ZSCAN5A: variants seen among roughly 807,000 people sequenced by gnomAD.
The protein encoded by ZSCAN5A is zinc finger and SCAN domain containing 5A, also known as zinc finger and SCAN domain-containing protein 5A.
A neutral mutation model predicts 23.7 loss-of-function variants in ZSCAN5A; 12 were observed. The observed-to-expected ratio is 0.51, with a 90% CI of 0.32 to 0.82. ZSCAN5A has a LOEUF of 0.82. Ranked by LOEUF, ZSCAN5A falls within the 40% of genes least tolerant of loss-of-function variation. The pLI is 0.03. For missense variants in ZSCAN5A, 597 were observed against 617.9 expected (o/e 0.97, Z 0.36); for synonymous variants, 257 against 239.9 (o/e 1.07, Z -0.66).
At chr19:56,287,423 T>C (rs886103435) in intron 2 of ZSCAN5A, among the ~76,000 whole-genome samples, 19 of 152,140 alleles carry the variant, frequency 1.2e-4, no homozygotes, top group Admixed American at 1.2e-3. Flanking sequence ...CCCTCCCACA[T>C]TGCCTGCGGA....
chr19:56,264,088 G>C (rs1000458072), intron 2 of ZSCAN5A, among the ~76,000 whole-genome samples: 3 of 151,656 alleles, frequency 2.0e-5, no homozygotes, highest in Non-Finnish European at 4.4e-5. Flanking sequence ...CCGCCTCCCA[G>C]GTTCAAGCAA....
At chr19:56,243,094 TATTATTTCACTTCCTGAAA>T (rs567405174) in intron 2 of ZSCAN5A, among the ~76,000 whole-genome samples, 257 of 152,266 alleles carry the variant, frequency 1.7e-3, no homozygotes, top group African/African-American at 5.8e-3. Context: ...AAATCTATCG[TATTATTTCACTTCCTGAAA>T]ATTTCATAGA....
At chr19:56,325,657 A>C (rs921622933) in intron 2 of ZSCAN5A, among the ~76,000 whole-genome samples, 1 of 147,742 alleles carries the variant, frequency 6.8e-6, no homozygotes, top group Admixed American at 6.8e-5. Context: ...TAGACACTTA[A>C]AAAAAAAAAT....
At chr19:56,295,815 C>T (rs866201224) in intron 2 of ZSCAN5A, 6 of 153,248 alleles carry the variant, frequency 3.9e-5, no homozygotes, top group African/African-American at 9.7e-5. Flanking sequence ...GTGCTCCCAT[C>T]GCTCTGTCTT....
At chr19:56,363,124 C>G (rs1294577875) in intron 2 of ZSCAN5A, 1 of 152,144 alleles carries the variant, frequency 6.6e-6, no homozygotes, top group Non-Finnish European at 1.5e-5. Context: ...CAGTGGTTAC[C>G]TGCCCATATT....
At chr19:56,243,906 G>GTT in intron 2 of ZSCAN5A, 30 of 478,694 alleles carry the variant, frequency 6.3e-5, no homozygotes, top group Middle Eastern at 5.6e-4. Flanking sequence ...TCGGGCTCAT[G>GTT]TTTTTTTTTG....
intron 2 of ZSCAN5A, among the ~76,000 whole-genome samples, chr19:56,311,665 T>C (rs972863334): frequency 6.6e-6 from 1 of 152,188 alleles, no homozygotes; most frequent in Non-Finnish European, 1.5e-5. Flanking sequence ...TTAAATGAGA[T>C]AATATATATA....
intron 2 of ZSCAN5A, among the ~76,000 whole-genome samples, chr19:56,226,532 C>T (rs1324556132): frequency 2.0e-5 from 3 of 152,128 alleles, no homozygotes; most frequent in Admixed American, 6.5e-5. Flanking sequence ...CTCACGCCTG[C>T]TAGAGTGGCT....
chr19:56,226,744 G>A (rs1458020342), intron 2 of ZSCAN5A, among the ~76,000 whole-genome samples: 3 of 152,150 alleles, frequency 2.0e-5, no homozygotes, highest in Non-Finnish European at 4.4e-5. Flanking sequence ...ATCAGGACGT[G>A]GACTCCAAAA....
intron 2 of ZSCAN5A, among the ~76,000 whole-genome samples, chr19:56,327,424 G>A (rs1256969820): frequency 6.6e-6 from 1 of 150,858 alleles, no homozygotes; most frequent in African/African-American, 2.4e-5. Flanking sequence ...CAACTGCAAT[G>A]ATTTTAATTA....
intron 2 of ZSCAN5A, among the ~76,000 whole-genome samples, chr19:56,362,419 A>C (rs2041739715): frequency 6.6e-6 from 1 of 151,898 alleles, no homozygotes; most frequent in African/African-American, 2.4e-5. Flanking sequence ...AGTACAAAGA[A>C]TCAGCCGGGC....
intron 2 of ZSCAN5A, chr19:56,342,665 T>C (rs1012176967): frequency 5.4e-6 from 3 of 558,460 alleles, no homozygotes; most frequent in Non-Finnish European, 1.0e-5. Context: ...CTCCTGCCAG[T>C]AGGAGTCCCC....
intron 2 of ZSCAN5A, among the ~76,000 whole-genome samples, chr19:56,309,332 G>A (rs1036954008): frequency 6.6e-6 from 1 of 152,138 alleles, no homozygotes; most frequent in Non-Finnish European, 1.5e-5. Context: ...GCTTTTAATG[G>A]ATTTCTTTTT....
Position 56,342,293 on chromosome 19 carries a change from T to C in ZSCAN5A, c.-358+20942A>G, listed in dbSNP as rs1347844102. ...ATTCTTTCTCATATAAAATTATTTC[T>C]CTTTAAGCTGTCTTACAAAAAAAAA... On this transcript the variant is annotated intron_variant, in intron 2 of 6. Coordinates refer to the ZSCAN5A transcript ENST00000587340. The C allele has an allele frequency of 2.2e-5, 3 of 135,080 alleles. No homozygotes were observed. The East Asian group carries it at 6.5e-4, about 29-fold the overall frequency. 8.4% of individuals were successfully genotyped at this position (135,080 alleles called of 1,614,324 possible). A position where few individuals can be genotyped will look rare whatever the true frequency, so the allele number is the denominator to read the frequency against.
At chr19:56,240,528 C>T (rs1406133328) in intron 2 of ZSCAN5A, among the ~76,000 whole-genome samples, 4 of 151,982 alleles carry the variant, frequency 2.6e-5, no homozygotes, top group South Asian at 4.1e-4. Flanking sequence ...AGGCATAAGG[C>T]GGGAAGGAGG....
chr19:56,221,538 T>A lies in ZSCAN5A; in HGVS notation c.*37A>T. ...ACATTGATGAAAAATATCATTCACT[T>A]CTTCTTGGTGCAGAAGGCATAGACC... On this transcript the variant is annotated 3_prime_UTR_variant, in exon 6 of 6. Transcript: ENST00000683990. 7.2e-6 allele frequency: 11 copies of A among 1,532,006 alleles called. No homozygotes were observed. Among genetic ancestry groups the A allele is most frequent in the Non-Finnish European group, 9.6e-6 (11 of 1,142,706 alleles). 94.9% of individuals were successfully genotyped at this position (1,532,006 alleles called of 1,614,324 possible).
At chr19:56,224,334 C>T (rs908353294) in intron 3 of ZSCAN5A, 1 of 364,958 alleles carries the variant, frequency 2.7e-6, no homozygotes, top group African/African-American at 2.1e-5. Flanking sequence ...ATGTTGGCCT[C>T]ACACAGTGTG....
chr19:56,353,731 G>A (rs1208239935), intron 2 of ZSCAN5A, among the ~76,000 whole-genome samples: 2 of 152,152 alleles, frequency 1.3e-5, no homozygotes, highest in Non-Finnish European at 1.5e-5. Flanking sequence ...GCAGTGAACC[G>A]AGATCGTGCC....
intron 2 of ZSCAN5A, among the ~76,000 whole-genome samples, chr19:56,254,512 C>T (rs921336850): frequency 3.9e-5 from 6 of 152,106 alleles, no homozygotes; most frequent in Non-Finnish European, 8.8e-5. Context: ...CTTCAGTGAA[C>T]GCTTGGGTAG....
Sources: allele counts gnomAD v4.1 joint callset (sites outside exome capture counted in the v4.1 genomes callset), GRCh38; gene constraint gnomAD v4.1.1; transcripts MANE v1.5; gene names NCBI Gene and HGNC (gene_info 2026-07-23, HGNC 2026-07-21).